NR2F1-AS1: variants seen among roughly 807,000 people sequenced by gnomAD.
NR2F1-AS1 encodes NR2F1 regulatory antisense RNA 1.
intron 4 of NR2F1-AS1, among the ~76,000 whole-genome samples, chr5:93,483,553 T>C (rs757811485): frequency 1.3e-5 from 2 of 152,104 alleles, no homozygotes; most frequent in South Asian, 2.1e-4. Flanking sequence ...CTCCAAAGGA[T>C]CACTACTCCT....
chr5:93,529,591 G>GT (rs916865737), intron 4 of NR2F1-AS1, among the ~76,000 whole-genome samples: 4 of 152,026 alleles, frequency 2.6e-5, no homozygotes, highest in Non-Finnish European at 4.4e-5. Context: ...TAATCATATG[G>GT]TGCCTCATTT....
chr5:93,536,425 AG>A (rs1178478705), intron 4 of NR2F1-AS1, among the ~76,000 whole-genome samples: 18 of 152,184 alleles, frequency 1.2e-4, no homozygotes, highest in Non-Finnish European at 2.5e-4. Context: ...TCATGGAAAT[AG>A]AAAAAAAAAT....
chr5:93,445,521 C>A (rs1021810351), intron 4 of NR2F1-AS1, among the ~76,000 whole-genome samples: 13 of 152,004 alleles, frequency 8.6e-5, no homozygotes, highest in Non-Finnish European at 1.8e-4. Flanking sequence ...CCTGAATAGA[C>A]CAACAACAGG....
intron 4 of NR2F1-AS1, among the ~76,000 whole-genome samples, chr5:93,503,626 C>T (rs115826965): frequency 0.025 from 3,869 of 152,280 alleles, 79 homozygotes; most frequent in South Asian, 0.054. Flanking sequence ...AACACCTCCT[C>T]TCTTTCTGAG....
chr5:93,559,647 T>A (rs954558360), intron 2 of NR2F1-AS1, among the ~76,000 whole-genome samples: 1 of 152,246 alleles, frequency 6.6e-6, no homozygotes, highest in East Asian at 1.9e-4. Context: ...TTGAAGCCCA[T>A]TTTAGCGTTA....
At chr5:93,479,935 G>A (rs1750565408) in intron 4 of NR2F1-AS1, among the ~76,000 whole-genome samples, 1 of 151,982 alleles carries the variant, frequency 6.6e-6, no homozygotes, top group Non-Finnish European at 1.5e-5. Flanking sequence ...TCAGGCAAAA[G>A]AAATGTTTAT....
intron 4 of NR2F1-AS1, among the ~76,000 whole-genome samples, chr5:93,425,275 G>A (rs1005905883): frequency 1.3e-5 from 2 of 152,122 alleles, no homozygotes; most frequent in South Asian, 2.1e-4. Flanking sequence ...TTAGCAGTTC[G>A]ATGACTGCTG....
At chr5:93,554,995 C>A (rs1217033339) in exon 3 of NR2F1-AS1, 2 of 152,130 alleles carry the variant, frequency 1.3e-5, no homozygotes, top group Non-Finnish European at 2.9e-5. Context: ...CCCACTGCCA[C>A]CTGCAAACAA....
At chr5:93,527,572 C>T (rs1267521640) in intron 4 of NR2F1-AS1, among the ~76,000 whole-genome samples, 1 of 152,150 alleles carries the variant, frequency 6.6e-6, no homozygotes, top group Non-Finnish European at 1.5e-5. Flanking sequence ...AAGCTGGAGG[C>T]ATCATGCTAC....
chr5:93,436,599 C>T (rs1397052060), intron 4 of NR2F1-AS1, among the ~76,000 whole-genome samples: 2 of 152,044 alleles, frequency 1.3e-5, no homozygotes, highest in Non-Finnish European at 2.9e-5. Context: ...CTGACTTTTC[C>T]CATCAATGTC....
intron 4 of NR2F1-AS1, among the ~76,000 whole-genome samples, chr5:93,452,679 G>A (rs77636074): frequency 6.6e-6 from 1 of 152,158 alleles, no homozygotes; most frequent in African/African-American, 2.4e-5. Flanking sequence ...AGTTCACATA[G>A]AGCTAAGAAT....
chr5:93,481,027 G>T (rs1338616462), intron 4 of NR2F1-AS1, among the ~76,000 whole-genome samples: 2 of 151,936 alleles, frequency 1.3e-5, no homozygotes, highest in Non-Finnish European at 2.9e-5. Context: ...TGATCAGTTG[G>T]CACTATAAGC....
chr5:93,574,267 G>C (rs1752844473), intron 1 of NR2F1-AS1, among the ~76,000 whole-genome samples: 1 of 152,238 alleles, frequency 6.6e-6, no homozygotes, highest in Admixed American at 6.5e-5. Flanking sequence ...GCACCCGACT[G>C]GGCCTCAGCT....
rs1414495084 is a variant in NR2F1-AS1, at chr5:93,579,606, G to GTGCAGTCCCCAGCATCGGC, written n.313+842_313+860dup. Among the ~76,000 whole-genome samples the GTGCAGTCCCCAGCATCGGC allele has an allele frequency of 2.6e-5, 4 of 151,916 alleles. No homozygotes were observed. The highest frequency in any genetic ancestry group is 5.9e-5 in the Non-Finnish European group (4 of 67,910). ...GCTTCCGAGACCCCCCAGCCCCCGG[G>GTGCAGTCCCCAGCATCGGC]TGCAGTCCCCAGCATCGGCTGCCCC... On this transcript the variant is annotated intron_variant and non_coding_transcript_variant, in intron 1 of 5. Transcript: ENST00000660523. The surrounding 1 kb of genome is among the most constrained non-coding windows in gnomAD (Gnocchi z 5.1).
intron 4 of NR2F1-AS1, among the ~76,000 whole-genome samples, chr5:93,548,933 T>C (rs1253134026): frequency 6.6e-6 from 1 of 152,148 alleles, no homozygotes; most frequent in African/African-American, 2.4e-5. Context: ...CCATTTCTAA[T>C]TCCTTAATTT....
chr5:93,497,903 T>C (rs578249211), intron 4 of NR2F1-AS1, among the ~76,000 whole-genome samples: 1 of 152,198 alleles, frequency 6.6e-6, no homozygotes, highest in Non-Finnish European at 1.5e-5. Context: ...TTATAAAACA[T>C]CTCATTTTCA....
chr5:93,480,769 C>T (rs1750583603), intron 4 of NR2F1-AS1, among the ~76,000 whole-genome samples: 1 of 152,110 alleles, frequency 6.6e-6, no homozygotes, highest in Non-Finnish European at 1.5e-5. Flanking sequence ...TGAGTAGGAG[C>T]AGAATTAATG....
intron 4 of NR2F1-AS1, among the ~76,000 whole-genome samples, chr5:93,413,063 G>GT (rs1748891729): frequency 1.4e-5 from 2 of 139,194 alleles, no homozygotes; most frequent in African/African-American, 2.7e-5. Context: ...ATAGCACTAT[G>GT]GTGTGTGTGT....
At chr5:93,542,158 G>A (rs1424820837) in intron 4 of NR2F1-AS1, 1 of 148,964 alleles carries the variant, frequency 6.7e-6, no homozygotes. Context: ...GACCTTGATA[G>A]TAATACTCAT....
Sources: allele counts gnomAD v4.1 joint callset (sites outside exome capture counted in the v4.1 genomes callset), GRCh38; gene constraint gnomAD v4.1.1; non-coding constraint Gnocchi (gnomAD v3.1); transcripts MANE v1.5; gene names NCBI Gene and HGNC (gene_info 2026-07-23, HGNC 2026-07-21).